UBE2J1: variants seen among roughly 807,000 people sequenced by gnomAD.
UBE2J1 encodes ubiquitin-conjugating enzyme E2 J1.
Under a neutral mutation model 42.1 loss-of-function variants are expected in UBE2J1, and 17 were observed. That is an observed-to-expected ratio of 0.40 (90% CI 0.28 to 0.61). The LOEUF is 0.61. Among genes scored for constraint, UBE2J1 ranks in the 20% least tolerant of loss-of-function variants. The pLI, the probability that UBE2J1 is intolerant of heterozygous loss-of-function variation, is 0.38. For missense variants in UBE2J1, 291 were observed against 389.4 expected, an observed-to-expected ratio of 0.75 and a Z score of 2.13; for synonymous variants, 127 against 137.2, an observed-to-expected ratio of 0.93 and a Z score of 0.52.
intron 1 of UBE2J1, among the ~76,000 whole-genome samples, chr6:89,345,499 G>C (rs12660070): frequency 2.0e-5 from 3 of 152,064 alleles, no homozygotes; most frequent in Non-Finnish European, 4.4e-5. Flanking sequence ...CTACTCGGGA[G>C]GCTGAGGCAG....
At chr6:89,336,201 T>G (rs1179951084) in intron 5 of UBE2J1, among the ~76,000 whole-genome samples, 3 of 152,214 alleles carry the variant, frequency 2.0e-5, no homozygotes, top group Non-Finnish European at 4.4e-5. Flanking sequence ...TAAAAAACCT[T>G]AGGTCTTGAA....
chr6:89,341,066 C>T (rs904199031), intron 3 of UBE2J1, among the ~76,000 whole-genome samples: 9 of 152,204 alleles, frequency 5.9e-5, no homozygotes, highest in South Asian at 4.1e-4. Flanking sequence ...TGAGCCACCG[C>T]GCCCGGCCTA....
At chr6:89,348,430 C>T (rs1200625962) in intron 1 of UBE2J1, among the ~76,000 whole-genome samples, 1 of 152,172 alleles carries the variant, frequency 6.6e-6, no homozygotes, top group African/African-American at 2.4e-5. Context: ...TATATGGATT[C>T]CTCTTCAAAA....
intron 7 of UBE2J1, 72 bp downstream of exon 7, chr6:89,333,014 G>A (rs1768037522): frequency 7.3e-7 from 1 of 1,362,302 alleles, no homozygotes; most frequent in African/African-American, 1.5e-5. Context: ...TTTGATCCAG[G>A]ATCTTCTCCT....
rs114751806 is a variant in UBE2J1 at position 89,352,630 on chromosome 6, G to T, written c.-61C>A. On this transcript the variant is annotated 5_prime_UTR_variant, in exon 1 of 8. Transcript: ENST00000435041. ...GCTGCCACCTCCTCTCCACGCGGCC[G>T]CTGCCCGGGTCTCAGCGCGGCTCGG... The T allele has an allele frequency of 1.9e-3, 2,901 of 1,499,178 alleles. 39 individuals are homozygous for T. In the African/African-American group the frequency reaches 0.037, roughly 19 times the overall value. 92.9% of individuals were successfully genotyped at this position (1,499,178 alleles called of 1,614,324 possible).
At chr6:89,337,343 A>G (rs1768130064) in intron 5 of UBE2J1, among the ~76,000 whole-genome samples, 1 of 152,030 alleles carries the variant, frequency 6.6e-6, no homozygotes, top group Non-Finnish European at 1.5e-5. Context: ...TACATAGTGT[A>G]ATCTATGAAG....
chr6:89,338,369 C>T (rs1482746131), intron 4 of UBE2J1, 59 bp from the exon 5 acceptor site: 3 of 1,579,674 alleles, frequency 1.9e-6, no homozygotes, highest in Non-Finnish European at 2.6e-6. Flanking sequence ...TGGGTTTATT[C>T]TGGAAAAAGA....
In UBE2J1 at chr6:89,329,617, A is replaced by T; in HGVS notation, c.*62T>A. 6.5e-7 allele frequency: 1 copy of T among 1,528,070 alleles called. No homozygotes were observed. The highest frequency in any genetic ancestry group is 9.0e-7 in the Non-Finnish European group (1 of 1,109,656). 94.7% of individuals were successfully genotyped at this position (1,528,070 alleles called of 1,614,324 possible). ...TCTTTTTGTAAACAATTCTTAGATT[A>T]TACCCAATGCAGAATGTTTAATGAA... On this transcript the variant is annotated 3_prime_UTR_variant, in exon 8 of 8. Coordinates refer to ENST00000435041, the MANE Select transcript of UBE2J1 (RefSeq NM_016021.3).
chr6:89,334,412 A>G (rs1488082808), intron 6 of UBE2J1, among the ~76,000 whole-genome samples: 1 of 152,136 alleles, frequency 6.6e-6, no homozygotes, highest in East Asian at 1.9e-4. Context: ...GGGATGCCAA[A>G]ATATTAACAG....
chr6:89,341,022 G>A (rs1261811394), intron 3 of UBE2J1, among the ~76,000 whole-genome samples: 4 of 152,064 alleles, frequency 2.6e-5, no homozygotes, highest in South Asian at 2.1e-4. Context: ...TGATCCACCC[G>A]CCTCGGCCTC....
rs1287792528 is a variant in UBE2J1, at chr6:89,335,531, G to A, written c.429-100C>T. ...CTCGATCATTAAACTTAAAAGAAAG[G>A]AACACTGGAAAATTCCACATCACAT... On this transcript the variant is annotated intron_variant, in intron 5 of 7. Coordinates refer to ENST00000435041, the MANE Select transcript of UBE2J1 (RefSeq NM_016021.3). 3.6e-6 allele frequency: 3 copies of A among 844,818 alleles called. No individual in the cohort carries two copies. In the East Asian group the frequency reaches 9.4e-5, roughly 26 times the overall value. 52.3% of individuals were successfully genotyped at this position (844,818 alleles called of 1,614,324 possible).
At position 89,346,632 on chromosome 6, in the gene UBE2J1, G is replaced by T. The variant is rs146379224; in HGVS notation, c.32-2876C>A. On this transcript the variant is annotated intron_variant, in intron 1 of 7. Coordinates refer to ENST00000435041, the MANE Select transcript of UBE2J1 (RefSeq NM_016021.3). Reference sequence around the variant, plus strand: ...GGAATGTCTCTATGACACCTTCCCTGGTTGCCCCCTGCCCCCCACCCCCTA... The same window carrying T: ...GGAATGTCTCTATGACACCTTCCCTTGTTGCCCCCTGCCCCCCACCCCCTA... 4.1e-3 allele frequency among the ~76,000 whole-genome samples: 625 copies of T among 152,112 alleles called. 2 individuals are homozygous for T. The highest frequency in any genetic ancestry group is 0.014 in the African/African-American group (596 of 41,496).
Position 89,329,270 on chromosome 6 carries a change from A to G in UBE2J1, c.*409T>C, listed in dbSNP as rs937833156. 4.9e-6 allele frequency: 1 copy of G among 204,524 alleles called. No homozygotes were observed. The highest frequency in any genetic ancestry group is 2.4e-5 in the African/African-American group (1 of 41,786). The allele number at this position is 204,524 out of a possible 1,614,324, so 12.7% of individuals were successfully genotyped here. A position where few individuals can be genotyped will look rare whatever the true frequency, so the allele number is the denominator to read the frequency against. ...CTTTTCAACTCTTCTATCCCTATACATTCTACATACGTAGAAACAGAGTAC... is the reference window on the plus strand; with the variant it reads ...CTTTTCAACTCTTCTATCCCTATACGTTCTACATACGTAGAAACAGAGTAC... On this transcript the variant is annotated 3_prime_UTR_variant, in exon 8 of 8. Transcript: ENST00000435041.
chr6:89,339,581 GGGGA>G (rs1768197878), intron 3 of UBE2J1, among the ~76,000 whole-genome samples: 2 of 12,126 alleles, frequency 1.6e-4, no homozygotes, highest in Non-Finnish European at 3.3e-4. Context: ...GGGGTGGGGA[GGGGA>G]AGGGGGAAGG....
chr6:89,331,688 A>G (rs1040305835), intron 7 of UBE2J1, among the ~76,000 whole-genome samples: 6 of 152,250 alleles, frequency 3.9e-5, no homozygotes, highest in African/African-American at 2.4e-5. Context: ...TGGAATAAGT[A>G]TAACTGGAAT....
At chr6:89,347,592 T>C (rs1323991736) in intron 1 of UBE2J1, among the ~76,000 whole-genome samples, 5 of 152,220 alleles carry the variant, frequency 3.3e-5, no homozygotes, top group African/African-American at 1.2e-4. Flanking sequence ...AACAGCTAAA[T>C]AGCTAATTAG....
At chr6:89,346,869 G>T (rs1026217865) in intron 1 of UBE2J1, among the ~76,000 whole-genome samples, 4 of 152,100 alleles carry the variant, frequency 2.6e-5, no homozygotes, top group African/African-American at 4.8e-5. Context: ...TTTAATATCT[G>T]TTTTTCCTGC....
chr6:89,341,456 G>A (rs1471573651), intron 3 of UBE2J1, among the ~76,000 whole-genome samples: 1 of 152,162 alleles, frequency 6.6e-6, no homozygotes, highest in Non-Finnish European at 1.5e-5. Context: ...AGTTTTCCTT[G>A]GCCAGGTATG....
chr6:89,328,620 T>C lies in UBE2J1; in HGVS notation c.*1059A>G, dbSNP rs1767949662. ...ATGATGATAATATTATCTACTAGAG[T>C]CTGTGGCGCTAGCTAGCACTAAGTT... On this transcript the variant is annotated 3_prime_UTR_variant, in exon 8 of 8. Transcript: ENST00000435041. 1 of 152,136 alleles carries C rather than the reference T, an allele frequency of 6.6e-6. No individual in the cohort carries two copies. Among genetic ancestry groups the C allele is most frequent in the South Asian group, 2.1e-4 (1 of 4,828 alleles). The allele number at this position is 152,136 out of a possible 1,614,324, so 9.4% of individuals were successfully genotyped here.
Sources: gnomAD v4.1 joint callset for allele counts (sites outside exome capture counted in the v4.1 genomes callset) on GRCh38, gnomAD v4.1.1 for gene constraint, MANE v1.5 for transcripts, NCBI Gene and HGNC (gene_info 2026-07-23, HGNC 2026-07-21) for gene names.